Variants in KAZN observed in about 807,000 individuals in gnomAD.
The protein encoded by KAZN is kazrin, periplakin interacting protein, also known as kazrin.
A neutral mutation model predicts 87.4 loss-of-function variants in KAZN; 40 were observed. The ratio of observed to expected loss-of-function variants is 0.46; its 90% CI spans 0.36 to 0.60. The LOEUF is 0.60. Among genes scored for constraint, KAZN ranks in the 20% least tolerant of loss-of-function variants. KAZN has a pLI of 0.00. For missense variants in KAZN, 898 were observed against 1,073.9 expected (o/e 0.84, Z 2.29); for synonymous variants, 466 against 458.3 (o/e 1.02, Z -0.22).
intron 1 of KAZN, among the ~76,000 whole-genome samples, chr1:13,950,974 A>C (rs1435358433): frequency 6.6e-6 from 1 of 152,192 alleles, no homozygotes; most frequent in Non-Finnish European, 1.5e-5. Context: ...GAGAAGATAG[A>C]ACGGGATGTT....
At chr1:14,066,836 C>G (rs1643027671) in intron 1 of KAZN, among the ~76,000 whole-genome samples, 1 of 152,224 alleles carries the variant, frequency 6.6e-6, no homozygotes, top group Admixed American at 6.5e-5. Flanking sequence ...GGCACAGAAA[C>G]AGTGGAGAAC....
rs752733231 is a variant in KAZN at position 15,094,330 on chromosome 1, T to C, written c.1373T>C (p.Val458Ala). The change falls in exon 9 of 15, where the codon GTG becomes GCG. Residue 458 changes from valine (V) to alanine (A), a missense_variant. Around this residue, in one of 3 missense-constraint regions of KAZN, gnomAD observed 521 missense variants for 689.4 expected, o/e 0.76. Transcript: ENST00000376030. The surrounding 1 kb of genome is among the most constrained non-coding windows in gnomAD (Gnocchi z 4.5). ...AGTVQAWLEV[V>A]MAMPMYVKAC... ...ACCGTCCAGGCCTGGCTGGAGGTGG[T>C]GATGGCCATGCCTATGTACGTCAAG... 6.2e-7 allele frequency: 1 copy of C among 1,613,856 alleles called. No individual in the cohort carries two copies. Among genetic ancestry groups the C allele is most frequent in the South Asian group, 1.1e-5 (1 of 91,060 alleles).
intron 1 of KAZN, among the ~76,000 whole-genome samples, chr1:14,112,585 T>C (rs1644523760): frequency 6.6e-6 from 1 of 152,198 alleles, no homozygotes; most frequent in African/African-American, 2.4e-5. Flanking sequence ...AGGGGGAAAC[T>C]GTGACTCTGA....
intron 2 of KAZN, among the ~76,000 whole-genome samples, chr1:14,426,839 C>T (rs557288729): frequency 6.6e-6 from 1 of 152,148 alleles, no homozygotes; most frequent in South Asian, 2.1e-4. Context: ...TCACACCAAC[C>T]CTGACTTCAG....
intron 2 of KAZN, among the ~76,000 whole-genome samples, chr1:14,435,927 G>A (rs546805394): frequency 1.9e-4 from 29 of 152,320 alleles, no homozygotes; most frequent in Admixed American, 1.6e-3. Context: ...GCGTTACTGT[G>A]TGCTGCCACT....
chr1:14,896,858 T>G (rs981783451), intron 1 of KAZN, among the ~76,000 whole-genome samples: 4 of 152,140 alleles, frequency 2.6e-5, no homozygotes, highest in Non-Finnish European at 5.9e-5. Flanking sequence ...AGATTTGGGG[T>G]GCAAAGAGAC....
intron 1 of KAZN, among the ~76,000 whole-genome samples, chr1:14,838,869 A>G (rs566638541): frequency 2.5e-4 from 38 of 152,150 alleles, no homozygotes; most frequent in African/African-American, 9.2e-4. Context: ...TGATCCGCCC[A>G]CTTTGGCCTC....
At chr1:14,177,554 A>G (rs948433734) in intron 1 of KAZN, among the ~76,000 whole-genome samples, 8 of 152,176 alleles carry the variant, frequency 5.3e-5, no homozygotes, top group African/African-American at 1.9e-4. Flanking sequence ...TCGGTTGGCA[A>G]GTTTTTTGCT....
At chr1:14,767,813 A>G (rs1199373061) in intron 1 of KAZN, among the ~76,000 whole-genome samples, 1 of 152,198 alleles carries the variant, frequency 6.6e-6, no homozygotes, top group Non-Finnish European at 1.5e-5. Flanking sequence ...AAAGGCCTTA[A>G]CAGTTGATGT....
intron 1 of KAZN, among the ~76,000 whole-genome samples, chr1:14,164,980 C>T (rs1028855808): frequency 4.6e-5 from 7 of 152,124 alleles, no homozygotes; most frequent in African/African-American, 1.4e-4. Context: ...TCCAGGGTGT[C>T]GGTCTTTCTA....
Position 14,369,570 on chromosome 1 carries a change from C to T in KAZN, c.249+188978C>T, listed in dbSNP as rs139988635. ...AAAAATGGGGAAAGGGCAGACTGGA[C>T]GGGACCTTGTCTCCTGCAAGGCCAT... is the stretch of plus-strand genomic sequence containing the variant. On this transcript the variant is annotated intron_variant, in intron 2 of 16. Coordinates refer to the KAZN transcript ENST00000636203. 1.3e-3 allele frequency among the ~76,000 whole-genome samples: 193 copies of T among 152,290 alleles called. 3 individuals carry two copies. The South Asian group carries it at 0.019, about 15-fold the overall frequency.
chr1:15,047,569 G>C (rs1356701714), intron 4 of KAZN, among the ~76,000 whole-genome samples: 1 of 152,140 alleles, frequency 6.6e-6, no homozygotes, highest in African/African-American at 2.4e-5. Context: ...TCAGGAGTTT[G>C]AGACCACCCT....
chr1:14,159,500 G>T (rs2101821664), intron 1 of KAZN, among the ~76,000 whole-genome samples: 1 of 152,274 alleles, frequency 6.6e-6, no homozygotes, highest in African/African-American at 2.4e-5. Context: ...TCACTTTTAG[G>T]GCAGTGGGCT....
chr1:14,830,934 C>A (rs1647032695), intron 1 of KAZN, among the ~76,000 whole-genome samples: 2 of 152,200 alleles, frequency 1.3e-5, no homozygotes, highest in South Asian at 4.1e-4. Flanking sequence ...TCATTCTTAC[C>A]TCACCCATCA....
intron 1 of KAZN, among the ~76,000 whole-genome samples, chr1:14,685,231 C>T (rs934407642): frequency 3.3e-5 from 5 of 152,188 alleles, no homozygotes; most frequent in Non-Finnish European, 5.9e-5. Flanking sequence ...CTTAATCCTG[C>T]CGGAGAAACT....
chr1:14,812,758 C>T lies in KAZN; in HGVS notation c.227-147926C>T, dbSNP rs1056243649. Among the ~76,000 whole-genome samples the T allele has an allele frequency of 3.3e-5, 5 of 152,140 alleles. No homozygotes were observed. The East Asian group carries it at 9.6e-4, about 29-fold the overall frequency. ...TCAAATCCTGGCCTCAAGGGATCCT[C>T]CTGCCTCAGCTTCCCAACGCATTGG... On this transcript the variant is annotated intron_variant, in intron 1 of 14. Coordinates refer to ENST00000376030, the MANE Select transcript of KAZN (RefSeq NM_201628.3).
At chr1:14,002,632 T>C (rs1352684909) in intron 1 of KAZN, among the ~76,000 whole-genome samples, 1 of 152,186 alleles carries the variant, frequency 6.6e-6, no homozygotes, top group Non-Finnish European at 1.5e-5. Context: ...ATTTGAGAAA[T>C]GCAAATCAAA....
intron 2 of KAZN, among the ~76,000 whole-genome samples, chr1:14,520,612 C>T (rs1671536762): frequency 6.6e-6 from 1 of 152,168 alleles, no homozygotes; most frequent in Admixed American, 6.5e-5. Context: ...GGGGCAGAGG[C>T]TCTGAGGAGC....
intron 2 of KAZN, among the ~76,000 whole-genome samples, chr1:15,014,537 C>G (rs1431861196): frequency 6.6e-6 from 1 of 152,160 alleles, no homozygotes; most frequent in East Asian, 1.9e-4. Flanking sequence ...GGATGAGCCT[C>G]TCGTGGCACG....
Sources: allele counts gnomAD v4.1 joint callset (sites outside exome capture counted in the v4.1 genomes callset), GRCh38; gene constraint gnomAD v4.1.1; regional missense constraint gnomAD v4.1.1; non-coding constraint Gnocchi (gnomAD v3.1); transcripts MANE v1.5; gene names NCBI Gene and HGNC (gene_info 2026-07-23, HGNC 2026-07-21).